Variants in HOXA3 observed in about 807,000 individuals in gnomAD.
HOXA3 encodes the protein homeobox A3, also known as homeobox protein Hox-A3.
In HOXA3, 8 loss-of-function variants were observed where a neutral mutation model predicts 30.3. That is an observed-to-expected ratio of 0.26 (90% CI 0.15 to 0.48). The LOEUF is 0.48. Ranked by LOEUF, HOXA3 falls within the 20% of genes least tolerant of loss-of-function variation. The pLI is 0.99. For missense variants in HOXA3, 653 were observed against 614.4 expected (o/e 1.06, Z -0.66); for synonymous variants, 323 against 273.1 (o/e 1.18, Z -1.80).
Position 27,107,506 on chromosome 7 carries a change from T to TA in HOXA3, c.*408dup, listed in dbSNP as rs5883060. ...TCTCACTCTTTACAAGAAGTGCAAT[T>TA]AAAAAAAAAATTTAAAATTAAAAAA... On this transcript the variant is annotated 3_prime_UTR_variant, in exon 6 of 6. Transcript: ENST00000612286. 0.64 allele frequency: 97,606 copies of TA among 153,492 alleles called. 34,946 individuals are homozygous for TA. The highest frequency in any genetic ancestry group is 0.84 in the East Asian group (4,445 of 5,300). 9.5% of individuals were successfully genotyped at this position (153,492 alleles called of 1,614,324 possible).
chr7:27,107,859 A>C lies in HOXA3; in HGVS notation c.*56T>G. The C allele has an allele frequency of 3.4e-6, 4 of 1,179,400 alleles. No homozygotes were observed. The highest frequency in any genetic ancestry group is 4.6e-6 in the Non-Finnish European group (4 of 879,006). 73.1% of individuals were successfully genotyped at this position (1,179,400 alleles called of 1,614,324 possible). On this transcript the variant is annotated 3_prime_UTR_variant, in exon 6 of 6. Coordinates refer to ENST00000612286, the MANE Select transcript of HOXA3 (RefSeq NM_153631.3). ...AAAAAAAAAAAAAAAAAAAGCAACC[A>C]AAGAAAAAAGGTGGGTGGGGGGAGA...
Position 27,110,604 on chromosome 7 carries a change from AG to A in HOXA3, c.36del (p.Tyr13ThrfsTer55). ...QKATYYDSSA[I>X]YGGYPYQAAN... ...GCTGCCTGGTAGGGGTAGCCACCGTAGATCGCCGAGCTGTCGTAGTAGGTCG... is the reference window on the plus strand; with the variant it reads ...GCTGCCTGGTAGGGGTAGCCACCGTAATCGCCGAGCTGTCGTAGTAGGTCG... On this transcript the variant is annotated frameshift_variant, in exon 5 of 6. Transcript: ENST00000612286. LOFTEE classifies it high-confidence loss of function. 1.2e-6 allele frequency: 2 copies of A among 1,607,456 alleles called. No homozygotes were observed. Among genetic ancestry groups the A allele is most frequent in the Non-Finnish European group, 1.7e-6 (2 of 1,175,330 alleles).
rs1314608682 is a variant in HOXA3, at chr7:27,113,094, C to T, written c.-120-2334G>A. Among the ~76,000 whole-genome samples the T allele has an allele frequency of 3.9e-5, 6 of 152,064 alleles. No individual in the cohort carries two copies. The South Asian group carries it at 1.2e-3, about 32-fold the overall frequency. Reference sequence around the variant, plus strand: ...ACCTAGTAAAGAAGTTGGAGATTTGCCAGCCAGGAAACTTTGCTCTGTACC... The same window carrying T: ...ACCTAGTAAAGAAGTTGGAGATTTGTCAGCCAGGAAACTTTGCTCTGTACC... On this transcript the variant is annotated intron_variant, in intron 4 of 5. Transcript: ENST00000612286. This position sits in a 1 kb window ranked among gnomAD's most constrained non-coding sequence, Gnocchi z 4.8.
At chr7:27,136,810 A>C (rs1368291121) in intron 2 of HOXA3, among the ~76,000 whole-genome samples, 1 of 152,222 alleles carries the variant, frequency 6.6e-6, no homozygotes, top group Non-Finnish European at 1.5e-5. Flanking sequence ...GAACAACAAC[A>C]AACAAAACAA....
At position 27,152,497 on chromosome 7, in the gene HOXA3, G is replaced by T. The variant is rs1191348202; in HGVS notation, c.-703C>A. On this transcript the variant is annotated 5_prime_UTR_variant, in exon 1 of 6. Transcript: ENST00000612286. ...CCTGGCCTGGCCGGGGCTTCCCTTC[G>T]CTCGCCATCTCCGGACAAAGCACAG... 6 of 1,165,378 alleles carry T rather than the reference G, an allele frequency of 5.1e-6. No individual in the cohort carries two copies. The highest frequency in any genetic ancestry group is 5.4e-6 in the Non-Finnish European group (5 of 930,076). The allele number at this position is 1,165,378 out of a possible 1,614,324, so 72.2% of individuals were successfully genotyped here.
At chr7:27,147,193 T>C in intron 1 of HOXA3, 1 of 1,084,884 alleles carries the variant, frequency 9.2e-7, no homozygotes, top group Admixed American at 2.6e-5. Flanking sequence ...GAAACTTTGC[T>C]GGTTCTTTCA....
chr7:27,147,538 G>A (rs1782815583), intron 1 of HOXA3: 1 of 1,614,176 alleles, frequency 6.2e-7, no homozygotes, highest in East Asian at 2.2e-5. Context: ...GTACTCGTAG[G>A]ACGCCCGGTT....
intron 2 of HOXA3, among the ~76,000 whole-genome samples, chr7:27,133,304 TA>T (rs936894489): frequency 3.3e-5 from 5 of 152,028 alleles, no homozygotes; most frequent in Non-Finnish European, 2.9e-5. Flanking sequence ...GAAAAACATT[TA>T]AAAAAAATAC....
intron 1 of HOXA3, among the ~76,000 whole-genome samples, chr7:27,146,892 A>G (rs754237106): frequency 2.0e-4 from 30 of 152,230 alleles, no homozygotes; most frequent in Non-Finnish European, 3.7e-4. Flanking sequence ...TCTGAAGGGC[A>G]GAAAGGAGAG....
rs1201822837 is a variant in HOXA3 at position 27,130,499 on chromosome 7, C to T, written c.-389-3429G>A. 2.3e-6 allele frequency: 3 copies of T among 1,282,926 alleles called. No homozygotes were observed. In the South Asian group the frequency reaches 7.8e-5, roughly 33 times the overall value. The allele number at this position is 1,282,926 out of a possible 1,614,324, so 79.5% of individuals were successfully genotyped here. A position where few individuals can be genotyped will look rare whatever the true frequency, so the allele number is the denominator to read the frequency against. On this transcript the variant is annotated intron_variant, in intron 2 of 5. Transcript: ENST00000612286. Reference sequence around the variant, plus strand: ...GCAGCAGGGTAGGCGGGCTCGCGGGCGGTCCGCGGCGCGTAGTAGGAGGCA... The same window carrying T: ...GCAGCAGGGTAGGCGGGCTCGCGGGTGGTCCGCGGCGCGTAGTAGGAGGCA...
chr7:27,144,602 C>G (rs960569260), intron 1 of HOXA3, among the ~76,000 whole-genome samples: 1 of 152,192 alleles, frequency 6.6e-6, no homozygotes, highest in African/African-American at 2.4e-5. Context: ...CGAGTGGGCC[C>G]AGGCTCCCTG....
chr7:27,147,901 G>A, intron 1 of HOXA3: 1 of 725,788 alleles, frequency 1.4e-6, no homozygotes. Context: ...CGGCCAATGG[G>A]AGCGAACGCC....
intron 1 of HOXA3, among the ~76,000 whole-genome samples, chr7:27,148,693 G>A (rs1782871704): frequency 6.6e-6 from 1 of 152,268 alleles, no homozygotes; most frequent in Non-Finnish European, 1.5e-5. Context: ...ACAGAGCAGT[G>A]GCCGTGAGAC....
At chr7:27,140,297 T>G (rs1278949940) in intron 1 of HOXA3, 111 bp from the exon 2 acceptor site, 1 of 152,200 alleles carries the variant, frequency 6.6e-6, no homozygotes, top group Non-Finnish European at 1.5e-5. Context: ...TGGCCCCACG[T>G]GACGTTTTAT....
At chr7:27,137,054 G>T (rs1390798120) in intron 2 of HOXA3, among the ~76,000 whole-genome samples, 2 of 152,174 alleles carry the variant, frequency 1.3e-5, no homozygotes, top group African/African-American at 2.4e-5. Context: ...AAGGCAGGGG[G>T]GAGGCTGAGA....
intron 1 of HOXA3, chr7:27,141,584 A>T: frequency 2.7e-6 from 1 of 373,230 alleles, no homozygotes; most frequent in South Asian, 5.4e-5. Flanking sequence ...AGCTTGCTTC[A>T]TATAAATAAG....
chr7:27,124,407 C>A (rs946378477), intron 3 of HOXA3: 1 of 152,244 alleles, frequency 6.6e-6, no homozygotes, highest in African/African-American at 2.4e-5. Flanking sequence ...CAGGATGTGA[C>A]CGCAGAAAAC....
chr7:27,133,622 T>G (rs1350102652), intron 2 of HOXA3, among the ~76,000 whole-genome samples: 3 of 152,224 alleles, frequency 2.0e-5, no homozygotes, highest in Non-Finnish European at 4.4e-5. Flanking sequence ...CTTTTCATCA[T>G]GTCCTCGAAT....
rs1488560258 is a variant in HOXA3, at chr7:27,119,581, C to G, written c.-121+2978G>C. The stretch of plus-strand genomic sequence containing the variant: ...TAGTTTCTGAACTTCTGAGAGTGCT[C>G]TGAGGCTAGTGAGATCCTCAGGCCA... On this transcript the variant is annotated intron_variant, in intron 4 of 5. Coordinates refer to ENST00000612286, the MANE Select transcript of HOXA3 (RefSeq NM_153631.3). 2 of 152,164 alleles carry G rather than the reference C, an allele frequency of 1.3e-5. 1 individual carries two copies. Among genetic ancestry groups the G allele is most frequent in the Non-Finnish European group, 2.9e-5 (2 of 68,052 alleles). The allele number at this position is 152,164 out of a possible 1,614,324, so 9.4% of individuals were successfully genotyped here.
Sources: gnomAD v4.1 joint callset for allele counts (sites outside exome capture counted in the v4.1 genomes callset) on GRCh38, gnomAD v4.1.1 for gene constraint, Gnocchi (gnomAD v3.1) non-coding constraint, MANE v1.5 for transcripts, NCBI Gene and HGNC (gene_info 2026-07-23, HGNC 2026-07-21) for gene names.